Variants in RET observed in about 807,000 individuals in gnomAD.
RET encodes the protein ret proto-oncogene, also known as proto-oncogene tyrosine-protein kinase receptor Ret.
A neutral mutation model predicts 118.3 loss-of-function variants in RET; 19 were observed. The observed-to-expected ratio is 0.16, with a 90% CI of 0.11 to 0.24. RET has a LOEUF of 0.24. Among genes scored for constraint, RET ranks in the 10% least tolerant of loss-of-function variants. The probability of loss-of-function intolerance (pLI) is 1.00; values close to 1 mark genes in which losing one functional copy is unlikely to be tolerated. For synonymous variants in RET, 597 were observed against 644.1 expected (o/e 0.93, Z 1.11); for missense variants, 1,219 against 1,502.1 (o/e 0.81, Z 3.12).
At chr10:43,101,617 G>A (rs1219532577) in intron 2 of RET, among the ~76,000 whole-genome samples, 2 of 152,226 alleles carry the variant, frequency 1.3e-5, no homozygotes, top group Non-Finnish European at 2.9e-5. Context: ...GTCCCTGGGT[G>A]GGGGCCAGTG....
rs777221273 is a variant in RET, at chr10:43,105,161, G to A, written c.835G>A (p.Ala279Thr). 5.6e-6 allele frequency: 9 copies of A among 1,612,748 alleles called. No homozygotes were observed. Among genetic ancestry groups the A allele is most frequent in the African/African-American group, 5.3e-5 (4 of 74,928 alleles). The change falls in exon 4 of 20, where the codon GCC becomes ACC. Residue 279 changes from alanine to threonine, a missense_variant. Transcript: ENST00000355710. ...APTFPAGVDTASAVVEFKRKE... is the reference protein window; with the variant it reads ...APTFPAGVDTTSAVVEFKRKE... Reference sequence around the variant, plus strand: ...CACCTTCCCCGCGGGCGTCGACACCGCCAGCGCCGTGGTGGAGTTCAAGCG... The same window carrying A: ...CACCTTCCCCGCGGGCGTCGACACCACCAGCGCCGTGGTGGAGTTCAAGCG...
At position 43,077,301 on chromosome 10, in the gene RET, T is replaced by TGGC. The variant is rs2132498515; in HGVS notation, c.43_44insGGC (p.Leu14_Leu15insTrp). ...CGGTGCCGCGGGGCTGCGTCTGCTG[T>TGGC]TGCTGCTGCTGCTGCCGCTGCTAGG... On this transcript the variant is annotated inframe_insertion, in exon 1 of 20. Coordinates refer to ENST00000355710, the MANE Select transcript of RET (RefSeq NM_020975.6). 1 of 1,511,750 alleles carries TGGC rather than the reference T, an allele frequency of 6.6e-7. No individual in the cohort carries two copies. 93.6% of individuals were successfully genotyped at this position (1,511,750 alleles called of 1,614,324 possible).
At chr10:43,107,989 A>G (rs1448794577) in intron 5 of RET, among the ~76,000 whole-genome samples, 1 of 152,112 alleles carries the variant, frequency 6.6e-6, no homozygotes, top group Non-Finnish European at 1.5e-5. Flanking sequence ...GATGCTATAC[A>G]GGGTCAGGAG....
intron 19 of RET, chr10:43,127,440 A>C: frequency 9.5e-7 from 1 of 1,053,234 alleles, no homozygotes; most frequent in Non-Finnish European, 1.1e-6. Context: ...TGGTCTTACA[A>C]TGGACAGTAA....
intron 1 of RET, among the ~76,000 whole-genome samples, chr10:43,087,062 C>T (rs1368372571): frequency 2.6e-5 from 4 of 152,216 alleles, no homozygotes; most frequent in Non-Finnish European, 5.9e-5. Flanking sequence ...GGGTGTGCAG[C>T]GGGAATTCTG....
chr10:43,128,819 C>T lies in RET; in HGVS notation c.*550C>T, dbSNP rs1838389605. 1 of 248,518 alleles carries T rather than the reference C, an allele frequency of 4.0e-6. No homozygotes were observed. 15.4% of individuals were successfully genotyped at this position (248,518 alleles called of 1,614,324 possible). ...CAGGGCTGGAGGGGAAGAGGGGCCC[C>T]GAGGATGGGCCTGGGCTCAGCATTC... On this transcript the variant is annotated 3_prime_UTR_variant, in exon 20 of 20. Coordinates refer to ENST00000355710, the MANE Select transcript of RET (RefSeq NM_020975.6).
At chr10:43,112,593 G>A (rs1837964781) in intron 8 of RET, among the ~76,000 whole-genome samples, 1 of 152,216 alleles carries the variant, frequency 6.6e-6, no homozygotes, top group Non-Finnish European at 1.5e-5. Context: ...CCACCACCAT[G>A]AGGGGCCCTC....
rs1837613489 is a variant in RET at position 43,100,485 on chromosome 10, G to T, written c.100G>T (p.Asp34Tyr). ...GGCATTGGGCCTCTACTTCTCGAGG[G>T]ATGCTTACTGGGAGAAGCTGTATGT... is the stretch of plus-strand genomic sequence containing the variant. ...KVALGLYFSR[D>Y]AYWEKLYVDQ... Residue 34 changes from aspartate (D) to tyrosine (Y), a missense_variant, in exon 2 of 20, where the codon GAT (aspartate) becomes TAT (tyrosine). By Grantham distance (160) the Asp-to-Tyr change is radical. Around this residue, in one of 5 missense-constraint regions of RET, gnomAD observed 84 missense variants for 163.6 expected, o/e 0.51. Transcript: ENST00000355710. 1 of 1,613,676 alleles carries T rather than the reference G, an allele frequency of 6.2e-7. No individual in the cohort carries two copies. Among genetic ancestry groups the T allele is most frequent in the Non-Finnish European group, 8.5e-7 (1 of 1,180,002 alleles).
At chr10:43,097,156 G>A (rs1355655976) in intron 1 of RET, among the ~76,000 whole-genome samples, 1 of 152,162 alleles carries the variant, frequency 6.6e-6, no homozygotes, top group Admixed American at 6.5e-5. Flanking sequence ...GGGCTTTGTG[G>A]TGGGGGCTTT....
intron 1 of RET, among the ~76,000 whole-genome samples, chr10:43,083,468 T>C (rs534876327): frequency 2.2e-4 from 33 of 152,326 alleles, no homozygotes; most frequent in African/African-American, 7.7e-4. Context: ...TCCCAGCCCT[T>C]GTGCCTGGCT....
At position 43,077,211 on chromosome 10, in the gene RET, C is replaced by G. The variant is rs1388411412; in HGVS notation, c.-48C>G. On this transcript the variant is annotated 5_prime_UTR_variant, in exon 1 of 20. Transcript: ENST00000355710. Reference sequence around the variant, plus strand: ...CGCCGCACCCGCCATCCAGACCCGCCGGCCCTAGCCGCAGTCCCTCCAGCC... The same window carrying G: ...CGCCGCACCCGCCATCCAGACCCGCGGGCCCTAGCCGCAGTCCCTCCAGCC... The G allele has an allele frequency of 6.9e-7, 1 of 1,457,076 alleles. No individual in the cohort carries two copies. The allele number at this position is 1,457,076 out of a possible 1,614,324, so 90.3% of individuals were successfully genotyped here. A position where few individuals can be genotyped will look rare whatever the true frequency, so the allele number is the denominator to read the frequency against.
chr10:43,098,829 A>G (rs892127701), intron 1 of RET, among the ~76,000 whole-genome samples: 1 of 152,174 alleles, frequency 6.6e-6, no homozygotes, highest in Non-Finnish European at 1.5e-5. Context: ...CCTTTTGTCT[A>G]TCGTGAATAG....
intron 1 of RET, among the ~76,000 whole-genome samples, chr10:43,085,003 A>G (rs1837260176): frequency 6.6e-6 from 1 of 152,200 alleles, no homozygotes; most frequent in South Asian, 2.1e-4. Context: ...TAAGTTGATT[A>G]TCATCATTGC....
chr10:43,087,315 C>A (rs1837310645), intron 1 of RET, among the ~76,000 whole-genome samples: 1 of 152,216 alleles, frequency 6.6e-6, no homozygotes, highest in Non-Finnish European at 1.5e-5. Context: ...ATCCTGCACT[C>A]CACACCGGGT....
At chr10:43,112,352 A>C in intron 8 of RET, 128 bp downstream of exon 8, 3 of 1,389,302 alleles carry the variant, frequency 2.2e-6, no homozygotes, top group South Asian at 1.3e-5. Flanking sequence ...CTCATCCCCC[A>C]TGTGGCTCTC....
intron 1 of RET, among the ~76,000 whole-genome samples, chr10:43,094,920 G>A (rs1237190654): frequency 6.6e-6 from 1 of 152,228 alleles, no homozygotes; most frequent in East Asian, 1.9e-4. Context: ...AGGAATGCAT[G>A]TGTGCAATGT....
chr10:43,114,396 G>T lies in RET; in HGVS notation c.1880-84G>T. 3 of 1,573,512 alleles carry T rather than the reference G, an allele frequency of 1.9e-6. No homozygotes were observed. Among genetic ancestry groups the T allele is most frequent in the Non-Finnish European group, 2.6e-6 (3 of 1,161,726 alleles). ...TGGCGCGGACACGGCAGGCTGGAGAGCCATGAGGCAGAGCATACGCAGCCT... is the reference window on the plus strand; with the variant it reads ...TGGCGCGGACACGGCAGGCTGGAGATCCATGAGGCAGAGCATACGCAGCCT... On this transcript the variant is annotated intron_variant, in intron 10 of 19. Coordinates refer to ENST00000355710, the MANE Select transcript of RET (RefSeq NM_020975.6). The surrounding 1 kb of genome is among the most constrained non-coding windows in gnomAD (Gnocchi z 4.6).
rs1413694796 is a variant in RET at position 43,109,179 on chromosome 10, G to A, written c.1212G>A (p.Leu404=). 1 of 1,613,684 alleles carries A rather than the reference G, an allele frequency of 6.2e-7. No homozygotes were observed. Residue 404 remains leucine, a synonymous_variant, in exon 6 of 20, where the codon CTG becomes CTA. Coordinates refer to ENST00000355710, the MANE Select transcript of RET (RefSeq NM_020975.6). ...NVSVLPVSLH[L]PSTYSLSVSR... ...CGGTGCTGCCGGTCAGCCTGCACCT[G>A]CCCAGTACCTACTCCCTCTCCGTGA...
At chr10:43,094,486 G>A (rs773880125) in intron 1 of RET, among the ~76,000 whole-genome samples, 13 of 152,096 alleles carry the variant, frequency 8.5e-5, no homozygotes, top group Non-Finnish European at 1.8e-4. Flanking sequence ...CCCAAATTTC[G>A]GCCCTTGTGC....
Sources: gnomAD v4.1 joint callset for allele counts (sites outside exome capture counted in the v4.1 genomes callset) on GRCh38, gnomAD v4.1.1 for gene constraint, gnomAD v4.1.1 regional missense constraint, Gnocchi (gnomAD v3.1) non-coding constraint, MANE v1.5 for transcripts, NCBI Gene and HGNC (gene_info 2026-07-23, HGNC 2026-07-21) for gene names.